The following RABGAP1L variants were observed in gnomAD, a reference collection of about 807,000 sequenced individuals.
RABGAP1L encodes rab GTPase-activating protein 1-like.
A neutral mutation model predicts 137.7 loss-of-function variants in RABGAP1L; 63 were observed. The observed-to-expected ratio is 0.46, with a 90% CI of 0.37 to 0.56. The LOEUF (loss-of-function observed/expected upper bound fraction) is 0.56. RABGAP1L is among the 20% of genes least tolerant of loss of function. RABGAP1L has a pLI of 0.00. For synonymous variants in RABGAP1L, 431 were observed against 433.7 expected (o/e 0.99, Z 0.08); for missense variants, 1,095 against 1,244.0 (o/e 0.88, Z 1.80).
At chr1:174,896,205 A>G (rs1657137141) in intron 19 of RABGAP1L, among the ~76,000 whole-genome samples, 1 of 152,096 alleles carries the variant, frequency 6.6e-6, no homozygotes, top group African/African-American at 2.4e-5. Flanking sequence ...GATGATGAGC[A>G]TTTTTTCATG....
At chr1:174,618,482 A>G (rs1672119712) in intron 13 of RABGAP1L, among the ~76,000 whole-genome samples, 1 of 152,196 alleles carries the variant, frequency 6.6e-6, no homozygotes, top group Non-Finnish European at 1.5e-5. Context: ...TTTGCTGTTC[A>G]CCAATATCTG....
chr1:174,747,585 G>T (rs1239377095), intron 17 of RABGAP1L, among the ~76,000 whole-genome samples: 1 of 152,000 alleles, frequency 6.6e-6, no homozygotes, highest in African/African-American at 2.4e-5. Context: ...AGCAGATATA[G>T]TAATACCTTA....
chr1:174,925,756 T>G (rs1662680500), intron 19 of RABGAP1L, among the ~76,000 whole-genome samples: 1 of 151,586 alleles, frequency 6.6e-6, no homozygotes. Context: ...TTTGTTTTTC[T>G]TTTTTCAGTT....
At chr1:174,223,718 T>G (rs1449793749) in intron 3 of RABGAP1L, among the ~76,000 whole-genome samples, 5 of 152,180 alleles carry the variant, frequency 3.3e-5, no homozygotes, top group Admixed American at 3.3e-4. Flanking sequence ...ATTTCAAATT[T>G]TCAGTTATTT....
At chr1:174,973,983 T>G (rs897986388) in intron 21 of RABGAP1L, among the ~76,000 whole-genome samples, 1 of 66,312 alleles carries the variant, frequency 1.5e-5, no homozygotes, top group Non-Finnish European at 3.5e-5. Context: ...TTTTTTGTTT[T>G]TTTTTTTTTT....
intron 13 of RABGAP1L, among the ~76,000 whole-genome samples, chr1:174,403,580 T>C (rs1648899519): frequency 6.6e-6 from 1 of 152,106 alleles, no homozygotes; most frequent in Admixed American, 6.6e-5. Flanking sequence ...TAGTAAGTAC[T>C]CATGATTAGC....
intron 1 of RABGAP1L, among the ~76,000 whole-genome samples, chr1:174,169,809 G>T (rs982121067): frequency 1.3e-5 from 2 of 151,870 alleles, no homozygotes; most frequent in African/African-American, 4.8e-5. Flanking sequence ...TCCAACCTTC[G>T]TCTCAGGAGT....
intron 17 of RABGAP1L, among the ~76,000 whole-genome samples, chr1:174,749,192 AAAAAG>A (rs1684135984): frequency 6.6e-6 from 1 of 152,050 alleles, no homozygotes; most frequent in Non-Finnish European, 1.5e-5. Context: ...AAAAAAAAGA[AAAAAG>A]AAAAGACATC....
chr1:174,297,373 C>A (rs1208566618), intron 10 of RABGAP1L, among the ~76,000 whole-genome samples: 1 of 152,098 alleles, frequency 6.6e-6, no homozygotes, highest in Non-Finnish European at 1.5e-5. Context: ...CAGGGACTCT[C>A]GCTAGGCCAG....
intron 19 of RABGAP1L, among the ~76,000 whole-genome samples, chr1:174,913,391 A>G (rs541412515): frequency 6.6e-6 from 1 of 152,346 alleles, no homozygotes; most frequent in Non-Finnish European, 1.5e-5. Context: ...GGGTAGCAGC[A>G]CTAAACCTTG....
intron 24 of RABGAP1L, among the ~76,000 whole-genome samples, chr1:174,985,858 CAAGCTAATCAGTCATTAGTGACCT>C (rs1286667440): frequency 3.9e-5 from 6 of 152,318 alleles, no homozygotes; most frequent in Non-Finnish European, 5.9e-5. Flanking sequence ...ATTAGTAACC[CAAGCTAATCAGTCATTAGTGACCT>C]ACATCGTCAT....
chr1:174,573,236 T>TG (rs1460064257), intron 13 of RABGAP1L, among the ~76,000 whole-genome samples: 3 of 149,836 alleles, frequency 2.0e-5, no homozygotes, highest in African/African-American at 7.4e-5. Flanking sequence ...TATATGTTTA[T>TG]ATGTATGTGT....
Position 174,406,185 on chromosome 1 carries a change from T to G in RABGAP1L, c.1710+12040T>G, listed in dbSNP as rs541631916. 7.2e-5 allele frequency among the ~76,000 whole-genome samples: 11 copies of G among 152,298 alleles called. No individual in the cohort carries two copies. The East Asian group carries it at 2.1e-3, about 29-fold the overall frequency. ...TTTACTGTCTGTCTATAGTGATATC[T>G]ACATATATAAAAACTGTAATTATAT... is the stretch of plus-strand genomic sequence containing the variant. On this transcript the variant is annotated intron_variant, in intron 13 of 25. Coordinates refer to ENST00000681986, the MANE Select transcript of RABGAP1L (RefSeq NM_001366446.1).
intron 20 of RABGAP1L, among the ~76,000 whole-genome samples, chr1:174,959,678 G>T (rs1338181958): frequency 6.6e-6 from 1 of 152,010 alleles, no homozygotes; most frequent in African/African-American, 2.4e-5. Context: ...TTAGATTATT[G>T]TGATAACTTG....
chr1:174,272,335 G>T, intron 7 of RABGAP1L, 79 bp from the exon 8 acceptor site: 1 of 1,454,668 alleles, frequency 6.9e-7, no homozygotes. Flanking sequence ...TATAGTTATT[G>T]TAAAAAGGCT....
intron 11 of RABGAP1L, among the ~76,000 whole-genome samples, chr1:174,341,186 C>T (rs1558146889): frequency 6.6e-6 from 1 of 151,972 alleles, no homozygotes; most frequent in African/African-American, 2.4e-5. Context: ...ATAGTTCTTT[C>T]TTAATTCATG....
chr1:174,170,309 T>C (rs1368890472), intron 1 of RABGAP1L, among the ~76,000 whole-genome samples: 4 of 152,146 alleles, frequency 2.6e-5, no homozygotes, highest in Non-Finnish European at 5.9e-5. Flanking sequence ...AGTAACCATA[T>C]GAGGTAGGAA....
At position 174,222,618 on chromosome 1, in the gene RABGAP1L, T is replaced by C. The variant is rs146339739; in HGVS notation, c.331+1454T>C. 1.3e-3 allele frequency among the ~76,000 whole-genome samples: 193 copies of C among 152,298 alleles called. 1 individual carries two copies. The highest frequency in any genetic ancestry group is 4.4e-3 in the African/African-American group (181 of 41,556). On this transcript the variant is annotated intron_variant, in intron 3 of 25. Coordinates refer to ENST00000681986, the MANE Select transcript of RABGAP1L (RefSeq NM_001366446.1). ...TTGCTTAATCAAATATCTATCAAAG[T>C]CTTATGTTTTATGCTGAAATTTAAA...
chr1:174,480,465 A>G (rs1178210724), intron 13 of RABGAP1L, among the ~76,000 whole-genome samples: 2 of 152,350 alleles, frequency 1.3e-5, no homozygotes, highest in East Asian at 1.9e-4. Flanking sequence ...AATTAAAGCA[A>G]ACTGCAGTGC....
Sources: allele counts gnomAD v4.1 joint callset (sites outside exome capture counted in the v4.1 genomes callset), GRCh38; gene constraint gnomAD v4.1.1; transcripts MANE v1.5; gene names NCBI Gene and HGNC (gene_info 2026-07-23, HGNC 2026-07-21).